Variants in SPG11 observed in about 807,000 individuals in gnomAD.
The protein encoded by SPG11 is spatacsin.
A neutral mutation model predicts 274.0 loss-of-function variants in SPG11; 222 were observed. The observed-to-expected ratio is 0.81, with a 90% CI of 0.73 to 0.91. SPG11 has a LOEUF of 0.91. SPG11 is among the 40% of genes least tolerant of loss of function. The probability of loss-of-function intolerance (pLI) is 0.00; values close to 1 mark genes in which losing one functional copy is unlikely to be tolerated. For synonymous variants in SPG11, 1,144 were observed against 1,039.7 expected, an observed-to-expected ratio of 1.10 and a Z score of -1.93; for missense variants, 3,114 against 2,872.7, an observed-to-expected ratio of 1.08 and a Z score of -1.92.
chr15:44,619,850 G>A (rs939442005), intron 15 of SPG11, among the ~76,000 whole-genome samples: 1 of 151,668 alleles, frequency 6.6e-6, no homozygotes, highest in African/African-American at 2.4e-5. Flanking sequence ...AGCCTCCCAA[G>A]TAGTTGGGAG....
intron 33 of SPG11, among the ~76,000 whole-genome samples, chr15:44,572,128 C>G (rs1294594869): frequency 2.0e-5 from 3 of 152,182 alleles, no homozygotes; most frequent in Non-Finnish European, 4.4e-5. Context: ...TATAAGAAAT[C>G]TGTGTAACCA....
chr15:44,628,120 G>A (rs1441775464), intron 10 of SPG11, among the ~76,000 whole-genome samples: 1 of 152,100 alleles, frequency 6.6e-6, no homozygotes, highest in Admixed American at 6.6e-5. Context: ...CAGTCCCTAA[G>A]TCATACAGAT....
At position 44,596,084 on chromosome 15, in the gene SPG11, TG is replaced by T; in HGVS notation, c.4432del (p.Gln1478ArgfsTer51). Reference protein sequence around the residue: ...PILSVLASCLQGASAISCLCV... With the variant: ...PILSVLASCLXGASAISCLCV... Reference sequence around the variant, plus strand: ...CTTCAGGCTTCTCATGATCCTCACCTGGAGACATGAGGCCAGAACACTGAGG... The same window carrying T: ...CTTCAGGCTTCTCATGATCCTCACCTGAGACATGAGGCCAGAACACTGAGG... On this transcript the variant is annotated frameshift_variant and splice_region_variant, in exon 25 of 40. Transcript: ENST00000261866. LOFTEE classifies it high-confidence loss of function. 1 of 1,613,234 alleles carries T rather than the reference TG, an allele frequency of 6.2e-7. No individual in the cohort carries two copies. The highest frequency in any genetic ancestry group is 1.1e-5 in the South Asian group (1 of 91,042).
At chr15:44,603,123 T>C (rs1216483334) in intron 20 of SPG11, among the ~76,000 whole-genome samples, 1 of 149,130 alleles carries the variant, frequency 6.7e-6, no homozygotes, top group Non-Finnish European at 1.5e-5. Flanking sequence ...GGCATGACCA[T>C]AGCTCACTGC....
chr15:44,572,401 T>TGAA (rs2082442207), intron 33 of SPG11: 1 of 415,382 alleles, frequency 2.4e-6, no homozygotes, highest in Non-Finnish European at 4.5e-6. Flanking sequence ...GTCTCCCTTC[T>TGAA]AGGGGACAAT....
intron 33 of SPG11, among the ~76,000 whole-genome samples, chr15:44,571,556 G>A (rs1198436873): frequency 2.0e-5 from 3 of 147,152 alleles, no homozygotes; most frequent in African/African-American, 2.5e-5. Flanking sequence ...GGAGTGCAGC[G>A]GCGCCATCTC....
At chr15:44,601,743 G>C (rs955810840) in intron 20 of SPG11, among the ~76,000 whole-genome samples, 5 of 151,908 alleles carry the variant, frequency 3.3e-5, no homozygotes, top group African/African-American at 1.2e-4. Flanking sequence ...ACTTACAGTA[G>C]AGACGGGGTT....
chr15:44,563,296 TTATATC>T lies in SPG11; in HGVS notation c.7152-1_7156del. 1.9e-6 allele frequency: 3 copies of T among 1,612,786 alleles called. No individual in the cohort carries two copies. Among genetic ancestry groups the T allele is most frequent in the African/African-American group, 1.3e-5 (1 of 75,038 alleles). On this transcript the variant is annotated splice_acceptor_variant and coding_sequence_variant, in exon 40 of 40. Transcript: ENST00000261866. LOFTEE classifies it high-confidence loss of function. ...GACCATGTCAGTAGGCTGATGTTGT[TTATATC>T]TAGATAAAGAAACATAATGTACAGG...
At chr15:44,591,982 G>A (rs1213580780) in intron 27 of SPG11, among the ~76,000 whole-genome samples, 1 of 151,868 alleles carries the variant, frequency 6.6e-6, no homozygotes, top group African/African-American at 2.4e-5. Flanking sequence ...GTGGTGGTGG[G>A]CACCTGTAAT....
At chr15:44,575,264 G>GC in intron 30 of SPG11, 1 of 547,858 alleles carries the variant, frequency 1.8e-6, no homozygotes, top group South Asian at 2.1e-5. Context: ...ATGCTACAAA[G>GC]ATCAAGGCCA....
chr15:44,615,459 T>C lies in SPG11; in HGVS notation c.2942A>G (p.Lys981Arg), dbSNP rs1020835967. ...IQDTLPVQNY[K>R]TKEGWDFHSQ... ...ATGGAAATCCCAACCTTCTTTGGTCTTGTAGTTTTGAACAGGGAGGGTATC... is the reference window on the plus strand; with the variant it reads ...ATGGAAATCCCAACCTTCTTTGGTCCTGTAGTTTTGAACAGGGAGGGTATC... The change falls in exon 16 of 40, where the codon AAG (lysine) becomes AGG (arginine). Residue 981 changes from lysine (K) to arginine (R), a missense_variant. Lys to Arg is a conservative substitution (Grantham distance 26). Transcript: ENST00000261866. The C allele has an allele frequency of 6.2e-7, 1 of 1,614,106 alleles. No homozygotes were observed. Among genetic ancestry groups the C allele is most frequent in the Non-Finnish European group, 8.5e-7 (1 of 1,179,994 alleles).
In SPG11 at chr15:44,570,746, G is replaced by A. The variant is rs2082406617; in HGVS notation, c.6344-88C>T. 6 of 1,534,200 alleles carry A rather than the reference G, an allele frequency of 3.9e-6. No individual in the cohort carries two copies. In the South Asian group the frequency reaches 4.7e-5, roughly 12 times the overall value. The stretch of plus-strand genomic sequence containing the variant: ...CCTGGCAGGAGGGAAAAAGGGCCTG[G>A]TGGAGAAGGGGCCTGTCTGGAGAGG... On this transcript the variant is annotated intron_variant, in intron 33 of 39. Coordinates refer to ENST00000261866, the MANE Select transcript of SPG11 (RefSeq NM_025137.4).
In SPG11 at chr15:44,663,597, C is replaced by G. The variant is rs1271071927; in HGVS notation, c.51G>C (p.Trp17Cys). 1 of 1,596,096 alleles carries G rather than the reference C, an allele frequency of 6.3e-7. No homozygotes were observed. Among genetic ancestry groups the G allele is most frequent in the South Asian group, 1.1e-5 (1 of 89,434 alleles). ...VASAASAGGS[W>C]GTAAMGRVLP... ...GAACCCGCCCCATGGCCGCGGTGCCCCAGCTACCGCCGGCGGAAGCAGCAC... is the reference window on the plus strand; with the variant it reads ...GAACCCGCCCCATGGCCGCGGTGCCGCAGCTACCGCCGGCGGAAGCAGCAC... The change falls in exon 1 of 40, where the codon TGG (tryptophan) becomes TGC (cysteine). Residue 17 changes from tryptophan to cysteine, a missense_variant. Transcript: ENST00000261866.
intron 7 of SPG11, among the ~76,000 whole-genome samples, chr15:44,645,869 A>T (rs2084593806): frequency 6.6e-6 from 1 of 152,226 alleles, no homozygotes; most frequent in South Asian, 2.1e-4. Flanking sequence ...ACCAATAAGC[A>T]TATGAAAAAA....
intron 30 of SPG11, among the ~76,000 whole-genome samples, chr15:44,580,487 A>T (rs1302270659): frequency 6.6e-6 from 1 of 152,272 alleles, no homozygotes; most frequent in Admixed American, 6.5e-5. Context: ...AGTTTAAAAA[A>T]AACTGAACTG....
At chr15:44,609,832 A>G (rs1046929023) in intron 18 of SPG11, among the ~76,000 whole-genome samples, 4 of 151,038 alleles carry the variant, frequency 2.6e-5, no homozygotes, top group Non-Finnish European at 5.9e-5. Context: ...CCCAGGCTCA[A>G]GTAATCGTGT....
intron 39 of SPG11, 41 bp downstream of exon 39, chr15:44,564,504 CAG>C (rs1567124697): frequency 6.2e-7 from 1 of 1,605,858 alleles, no homozygotes; most frequent in Admixed American, 1.7e-5. Context: ...CACCTCAAAG[CAG>C]AGGCAAGGAG....
chr15:44,648,810 A>C (rs1010581355), intron 7 of SPG11, 56 bp downstream of exon 7: 1 of 1,564,922 alleles, frequency 6.4e-7, no homozygotes, highest in Non-Finnish European at 8.8e-7. Context: ...TAAATCGAAT[A>C]AAAGTATATA....
intron 23 of SPG11, 22 bp from the exon 24 acceptor site, chr15:44,596,965 G>C: frequency 6.2e-7 from 1 of 1,613,212 alleles, no homozygotes; most frequent in Non-Finnish European, 8.5e-7. Flanking sequence ...ATTAGAGGTG[G>C]GGGTGGTCAA....
Sources: gnomAD v4.1 joint callset for allele counts (sites outside exome capture counted in the v4.1 genomes callset) on GRCh38, gnomAD v4.1.1 for gene constraint, MANE v1.5 for transcripts, NCBI Gene and HGNC (gene_info 2026-07-23, HGNC 2026-07-21) for gene names.